WDFY4: variants seen among roughly 807,000 people sequenced by gnomAD.
WDFY4 encodes WD repeat- and FYVE domain-containing protein 4.
WDFY4 carries 169 observed loss-of-function variants against 351.9 expected under a neutral mutation model. That is an observed-to-expected ratio of 0.48 (90% CI 0.42 to 0.55). The LOEUF (loss-of-function observed/expected upper bound fraction) is 0.55. Among genes scored for constraint, WDFY4 ranks in the 20% least tolerant of loss-of-function variants. The pLI is 0.00. For synonymous variants in WDFY4, 1,622 were observed against 1,574.6 expected, an observed-to-expected ratio of 1.03 and a Z score of -0.71; for missense variants, 3,803 against 3,935.6, an observed-to-expected ratio of 0.97 and a Z score of 0.90.
At chr10:48,779,878 A>T in intron 18 of WDFY4, 63 bp from the exon 19 acceptor site, 1 of 1,535,666 alleles carries the variant, frequency 6.5e-7, no homozygotes, top group Non-Finnish European at 8.8e-7. Flanking sequence ...TGCCCTCCCC[A>T]TTCTCCTGGG....
intron 47 of WDFY4, among the ~76,000 whole-genome samples, chr10:48,926,700 A>G (rs1359419171): frequency 1.3e-5 from 2 of 152,244 alleles, no homozygotes; most frequent in Non-Finnish European, 2.9e-5. Flanking sequence ...AAATATATAC[A>G]AATAGTATGA....
In WDFY4 at chr10:48,704,786, C is replaced by T. The variant is rs750565102; in HGVS notation, c.-17-4930C>T. Among the ~76,000 whole-genome samples, 14 of 152,356 alleles carry T rather than the reference C, an allele frequency of 9.2e-5. No homozygotes were observed. The East Asian group carries it at 2.7e-3, about 29-fold the overall frequency. On this transcript the variant is annotated intron_variant, in intron 1 of 61. Coordinates refer to ENST00000325239, the MANE Select transcript of WDFY4 (RefSeq NM_001394531.1). ...CCCTGGCCAAGTCACCTCTCTGCTC[C>T]CACCTCAGTACCAGCTGTGGACGAA...
intron 57 of WDFY4, among the ~76,000 whole-genome samples, chr10:48,971,522 CAA>C (rs949212468): frequency 6.6e-6 from 1 of 151,890 alleles, no homozygotes; most frequent in African/African-American, 2.4e-5. Flanking sequence ...CACCACTGAC[CAA>C]ATTTACTAAA....
chr10:48,859,671 C>T lies in WDFY4; in HGVS notation c.6664-7594C>T, dbSNP rs143407802. On this transcript the variant is annotated intron_variant, in intron 39 of 61. Coordinates refer to ENST00000325239, the MANE Select transcript of WDFY4 (RefSeq NM_001394531.1). Reference sequence around the variant, plus strand: ...GTGAACAAATAGTTTTCTCTTTTTTCGTACTGTTTGTCTAGTTTTGTTATC... The same window carrying T: ...GTGAACAAATAGTTTTCTCTTTTTTTGTACTGTTTGTCTAGTTTTGTTATC... Among the ~76,000 whole-genome samples, 701 of 152,054 alleles carry T rather than the reference C, an allele frequency of 4.6e-3. 6 individuals carry two copies. Among genetic ancestry groups the T allele is most frequent in the Middle Eastern group, 0.02 (6 of 294 alleles).
At chr10:48,787,472 G>A (rs900100932) in intron 20 of WDFY4, among the ~76,000 whole-genome samples, 1 of 152,218 alleles carries the variant, frequency 6.6e-6, no homozygotes, top group African/African-American at 2.4e-5. Context: ...GTCAGGTCTA[G>A]AGCCAAAGTC....
intron 22 of WDFY4, 109 bp from the exon 23 acceptor site, chr10:48,790,618 G>A: frequency 7.8e-7 from 1 of 1,278,780 alleles, no homozygotes; most frequent in Non-Finnish European, 1.1e-6. Context: ...CTCTGGCTGT[G>A]GATGGATGGT....
rs78640579 is a variant in WDFY4, at chr10:48,826,048, G to A, written c.5983-623G>A. Among the ~76,000 whole-genome samples the A allele has an allele frequency of 4.9e-3, 742 of 152,222 alleles. 4 individuals carry two copies. Among genetic ancestry groups the A allele is most frequent in the African/African-American group, 0.017 (701 of 41,546 alleles). On this transcript the variant is annotated intron_variant, in intron 35 of 61. Coordinates refer to ENST00000325239, the MANE Select transcript of WDFY4 (RefSeq NM_001394531.1). ...CTTTGCCTATGCCTATGTCCTGAATGGTATTGCCTAGATTTTCTTCGAGAG... is the reference window on the plus strand; with the variant it reads ...CTTTGCCTATGCCTATGTCCTGAATAGTATTGCCTAGATTTTCTTCGAGAG...
intron 39 of WDFY4, among the ~76,000 whole-genome samples, chr10:48,860,888 T>C (rs1415985854): frequency 1.3e-5 from 2 of 152,220 alleles, no homozygotes; most frequent in Non-Finnish European, 2.9e-5. Flanking sequence ...GGACACATTC[T>C]GCATGTTTTT....
In WDFY4 at chr10:48,978,018, A is replaced by T. The variant is rs1842649645; in HGVS notation, c.9292-291A>T. On this transcript the variant is annotated intron_variant, in intron 59 of 61. Coordinates refer to ENST00000325239, the MANE Select transcript of WDFY4 (RefSeq NM_001394531.1). Reference sequence around the variant, plus strand: ...AGCAAAATGGCAATAAACTGGTTGCAGAGTCACATCCCTGCAAGAAAAGGG... The same window carrying T: ...AGCAAAATGGCAATAAACTGGTTGCTGAGTCACATCCCTGCAAGAAAAGGG... Among the ~76,000 whole-genome samples, 3 of 152,218 alleles carry T rather than the reference A, an allele frequency of 2.0e-5. No homozygotes were observed. The South Asian group carries it at 6.2e-4, about 31-fold the overall frequency.
chr10:48,941,373 C>G (rs1437347327), intron 47 of WDFY4, among the ~76,000 whole-genome samples: 2 of 152,232 alleles, frequency 1.3e-5, no homozygotes, highest in African/African-American at 4.8e-5. Flanking sequence ...ACTGTGGACC[C>G]TTCTTGGGAG....
intron 8 of WDFY4, 98 bp from the exon 9 acceptor site, chr10:48,731,012 A>G: frequency 7.5e-7 from 1 of 1,329,400 alleles, no homozygotes; most frequent in Non-Finnish European, 1.0e-6. Flanking sequence ...TAGAACACAG[A>G]AACTTCAAAT....
rs543846281 is a variant in WDFY4, at chr10:48,852,508, A to C, written c.6664-14757A>C. 7.2e-5 allele frequency among the ~76,000 whole-genome samples: 11 copies of C among 152,314 alleles called. No individual in the cohort carries two copies. In the South Asian group the frequency reaches 2.1e-3, roughly 29 times the overall value. On this transcript the variant is annotated intron_variant, in intron 39 of 61. Coordinates refer to ENST00000325239, the MANE Select transcript of WDFY4 (RefSeq NM_001394531.1). ...ACATATTTGGGTTATCAATACTCTT[A>C]GATAATCCACTGATGTGCTCTGGGT...
chr10:48,959,333 G>A (rs1197677963), intron 52 of WDFY4, among the ~76,000 whole-genome samples: 1 of 152,226 alleles, frequency 6.6e-6, no homozygotes, highest in Non-Finnish European at 1.5e-5. Context: ...GTGGAGTGAG[G>A]TGCTTAGAAT....
intron 55 of WDFY4, 65 bp downstream of exon 55, chr10:48,966,738 C>A (rs1249012248): frequency 6.6e-7 from 1 of 1,513,496 alleles, no homozygotes. Context: ...TGGCTGGGTT[C>A]CTCTGGAGGT....
At chr10:48,718,580 C>T (rs981314596) in intron 2 of WDFY4, among the ~76,000 whole-genome samples, 9 of 152,178 alleles carry the variant, frequency 5.9e-5, no homozygotes, top group Non-Finnish European at 1.3e-4. Context: ...CACGGATGCC[C>T]GGAATGTGCA....
chr10:48,948,643 T>C (rs1841173932), intron 51 of WDFY4, among the ~76,000 whole-genome samples: 2 of 152,226 alleles, frequency 1.3e-5, no homozygotes, highest in Admixed American at 6.5e-5. Flanking sequence ...TTCTGCAAGT[T>C]ATTTTACCTC....
At chr10:48,689,477 A>G (rs2063141381) in intron 1 of WDFY4, among the ~76,000 whole-genome samples, 1 of 152,384 alleles carries the variant, frequency 6.6e-6, no homozygotes, top group African/African-American at 2.4e-5. Flanking sequence ...GTACCTGAAA[A>G]TATTGATTAC....
In WDFY4 at chr10:48,731,507, C is replaced by G; in HGVS notation, c.1527C>G (p.Leu509=). The change falls in exon 9 of 62, where the codon CTC becomes CTG. Residue 509 remains leucine (L), a synonymous_variant. Coordinates refer to ENST00000325239, the MANE Select transcript of WDFY4 (RefSeq NM_001394531.1). ...LFTDIFRDSG[L]LGLLLAQLRK... ...CCGACATCTTCCGGGACTCAGGGCT[C>G]CTGGGCCTGCTACTGGCACAGCTTC... 6.4e-7 allele frequency: 1 copy of G among 1,551,550 alleles called. No individual in the cohort carries two copies. The highest frequency in any genetic ancestry group is 8.7e-7 in the Non-Finnish European group (1 of 1,146,986).
chr10:48,798,006 G>C (rs1292087843), intron 24 of WDFY4, among the ~76,000 whole-genome samples: 1 of 152,198 alleles, frequency 6.6e-6, no homozygotes, highest in East Asian at 1.9e-4. Flanking sequence ...ACTGAGGCAA[G>C]GGTAGTGGGA....
Sources: allele counts gnomAD v4.1 joint callset (sites outside exome capture counted in the v4.1 genomes callset), GRCh38; gene constraint gnomAD v4.1.1; transcripts MANE v1.5; gene names NCBI Gene and HGNC (gene_info 2026-07-23, HGNC 2026-07-21).